The following SEMA6D variants were observed in gnomAD, a reference collection of about 807,000 sequenced individuals.
SEMA6D encodes the protein semaphorin 6D, also known as semaphorin-6D.
A neutral mutation model predicts 106.6 loss-of-function variants in SEMA6D; 35 were observed. That is an observed-to-expected ratio of 0.33 (90% CI 0.25 to 0.44). The LOEUF (loss-of-function observed/expected upper bound fraction) is 0.44, where lower values mean the gene tolerates loss of function less well. Ranked by LOEUF, SEMA6D falls within the 20% of genes least tolerant of loss-of-function variation. SEMA6D has a pLI of 1.00. For missense variants in SEMA6D, 1,185 were observed against 1,345.9 expected, an observed-to-expected ratio of 0.88 and a Z score of 1.87; for synonymous variants, 499 against 487.7, an observed-to-expected ratio of 1.02 and a Z score of -0.31.
At chr15:47,713,485 T>A (rs2079057638), upstream of SEMA6D, among the ~76,000 whole-genome samples, 1 of 152,156 alleles carries the variant, frequency 6.6e-6, no homozygotes, top group Non-Finnish European at 1.5e-5. Flanking sequence ...ATGCCGAGAT[T>A]TGGGTCTATA....
intron 4 of SEMA6D, among the ~76,000 whole-genome samples, chr15:47,710,282 T>A (rs1246252658): frequency 2.6e-5 from 4 of 152,210 alleles, no homozygotes; most frequent in Non-Finnish European, 5.9e-5. Flanking sequence ...TGACAGTTAC[T>A]GAGGTTGATG....
At chr15:47,522,367 C>G (rs2044614121) in intron 3 of SEMA6D, among the ~76,000 whole-genome samples, 1 of 152,152 alleles carries the variant, frequency 6.6e-6, no homozygotes, top group African/African-American at 2.4e-5. Flanking sequence ...CTCCCTTGTG[C>G]TATTTCCCAC....
At position 47,353,902 on chromosome 15, in the gene SEMA6D, C is replaced by G. The variant is rs989952222; in HGVS notation, c.-238-58491C>G. Reference sequence around the variant, plus strand: ...TTTATTGAAAGCATTGACTTAGAGACGAGATGTGCAGGCAATTATGAAGAA... The same window carrying G: ...TTTATTGAAAGCATTGACTTAGAGAGGAGATGTGCAGGCAATTATGAAGAA... On this transcript the variant is annotated intron_variant, in intron 1 of 19. Coordinates refer to the SEMA6D transcript ENST00000558014. Among the ~76,000 whole-genome samples, 4 of 151,800 alleles carry G rather than the reference C, an allele frequency of 2.6e-5. No individual in the cohort carries two copies. In the East Asian group the frequency reaches 7.7e-4, roughly 29 times the overall value.
chr15:47,207,991 GCGCA>G (rs1187419636), intron 1 of SEMA6D, among the ~76,000 whole-genome samples: 2,302 of 122,944 alleles, frequency 0.019, 135 homozygotes, highest in East Asian at 0.06. Context: ...ACTGGCGCGC[GCGCA>G]CACACACACA....
At chr15:47,586,525 G>C (rs2076343159) in intron 3 of SEMA6D, among the ~76,000 whole-genome samples, 1 of 152,084 alleles carries the variant, frequency 6.6e-6, no homozygotes, top group African/African-American at 2.4e-5. Context: ...GACCAAATAT[G>C]GTCCTCTCTT....
At chr15:47,723,477 G>A (rs1325654352) in intron 1 of SEMA6D, among the ~76,000 whole-genome samples, 3 of 152,184 alleles carry the variant, frequency 2.0e-5, no homozygotes, top group East Asian at 1.9e-4. Flanking sequence ...CCCATTTCCC[G>A]GGGGGAATTT....
intron 2 of SEMA6D, among the ~76,000 whole-genome samples, chr15:47,423,733 A>G (rs1464589451): frequency 1.3e-5 from 2 of 152,066 alleles, no homozygotes; most frequent in Non-Finnish European, 2.9e-5. Context: ...TTTTCCTCAT[A>G]CTTAAGGGAC....
At chr15:47,642,023 C>A (rs1250892909) in intron 4 of SEMA6D, among the ~76,000 whole-genome samples, 1 of 152,170 alleles carries the variant, frequency 6.6e-6, no homozygotes, top group Non-Finnish European at 1.5e-5. Context: ...GTATCTGCCA[C>A]AAGGTAGCCA....
intron 4 of SEMA6D, among the ~76,000 whole-genome samples, chr15:47,627,895 A>G (rs1307905856): frequency 6.6e-6 from 1 of 152,040 alleles, no homozygotes; most frequent in East Asian, 1.9e-4. Context: ...CTCACCTGCT[A>G]TTTTTGTCAT....
chr15:47,711,937 C>T (rs932410164), intron 4 of SEMA6D, among the ~76,000 whole-genome samples: 6 of 152,072 alleles, frequency 3.9e-5, no homozygotes, highest in African/African-American at 1.4e-4. Flanking sequence ...ACAATCAATG[C>T]TTAAGATTTG....
intron 4 of SEMA6D, among the ~76,000 whole-genome samples, chr15:47,660,830 C>A (rs749699695): frequency 2.0e-5 from 3 of 151,990 alleles, no homozygotes; most frequent in South Asian, 2.1e-4. Context: ...TAAGGGAGCA[C>A]GTTTTCAAAT....
chr15:47,395,932 T>C (rs2040199474), intron 1 of SEMA6D, among the ~76,000 whole-genome samples: 1 of 152,146 alleles, frequency 6.6e-6, no homozygotes, highest in African/African-American at 2.4e-5. Context: ...TAACTCCCAA[T>C]GTGATATTAG....
At chr15:47,449,691 C>G (rs2140910305) in intron 2 of SEMA6D, among the ~76,000 whole-genome samples, 1 of 152,164 alleles carries the variant, frequency 6.6e-6, no homozygotes, top group South Asian at 2.1e-4. Context: ...ATTCTCCATG[C>G]CTTACTGACA....
chr15:47,767,814 C>T (rs765569990), intron 17 of SEMA6D, among the ~76,000 whole-genome samples: 3 of 152,206 alleles, frequency 2.0e-5, no homozygotes, highest in Non-Finnish European at 4.4e-5. Context: ...AGTTAACTCC[C>T]GGTCCTATTG....
chr15:47,419,603 CT>C (rs1246071433), intron 2 of SEMA6D, among the ~76,000 whole-genome samples: 1 of 152,110 alleles, frequency 6.6e-6, no homozygotes, highest in Non-Finnish European at 1.5e-5. Flanking sequence ...ACCTACTATA[CT>C]TTTATGCTCC....
At chr15:47,737,054 T>TTAGGAAGGAAAAAGTAGGAGG (rs1316121375) in intron 1 of SEMA6D, among the ~76,000 whole-genome samples, 1 of 152,012 alleles carries the variant, frequency 6.6e-6, no homozygotes, top group Non-Finnish European at 1.5e-5. Flanking sequence ...TTTCAGAAGC[T>TTAGGAAGGAAAAAGTAGGAGG]TAGGAAGGAA....
At chr15:47,623,321 T>A (rs1161723949) in intron 4 of SEMA6D, among the ~76,000 whole-genome samples, 1 of 152,200 alleles carries the variant, frequency 6.6e-6, no homozygotes, top group African/African-American at 2.4e-5. Flanking sequence ...TGAACATTCA[T>A]TGAGTGCTTA....
chr15:47,609,826 A>T (rs904498768), intron 4 of SEMA6D, among the ~76,000 whole-genome samples: 2 of 152,146 alleles, frequency 1.3e-5, no homozygotes, highest in Non-Finnish European at 2.9e-5. Flanking sequence ...CAGCACCTGC[A>T]TTTACTTTAC....
At chr15:47,596,536 A>C (rs1441998618) in intron 3 of SEMA6D, among the ~76,000 whole-genome samples, 2 of 152,188 alleles carry the variant, frequency 1.3e-5, no homozygotes, top group Non-Finnish European at 2.9e-5. Flanking sequence ...AAACTATATT[A>C]CAAAGCTATA....
Sources: gnomAD v4.1 joint callset for allele counts (sites outside exome capture counted in the v4.1 genomes callset) on GRCh38, gnomAD v4.1.1 for gene constraint, MANE v1.5 for transcripts, NCBI Gene and HGNC (gene_info 2026-07-23, HGNC 2026-07-21) for gene names.